The following PFKP variants were observed in gnomAD, a reference collection of about 807,000 sequenced individuals.
PFKP encodes the protein ATP-dependent 6-phosphofructokinase, platelet type.
Under a neutral mutation model 94.3 loss-of-function variants are expected in PFKP, and 101 were observed. The observed-to-expected ratio is 1.07, with a 90% CI of 0.91 to 1.26. The LOEUF (loss-of-function observed/expected upper bound fraction) is 1.26, where lower values mean the gene tolerates loss of function less well. PFKP is among the 50% of genes most tolerant of loss of function. The pLI is 0.00. For missense variants in PFKP, 1,145 were observed against 1,103.3 expected (o/e 1.04, Z -0.53); for synonymous variants, 573 against 432.6 (o/e 1.32, Z -4.03).
intron 13 of PFKP, among the ~76,000 whole-genome samples, chr10:3,115,549 A>G (rs1027816848): frequency 2.0e-5 from 3 of 151,628 alleles, no homozygotes; most frequent in African/African-American, 4.9e-5. Flanking sequence ...GCCAGGGTGA[A>G]GGTGTGTGTC....
intron 21 of PFKP, among the ~76,000 whole-genome samples, chr10:3,136,109 C>T (rs1839270176): frequency 6.6e-6 from 1 of 152,078 alleles, no homozygotes; most frequent in Non-Finnish European, 1.5e-5. Context: ...ACTAAAAATA[C>T]AAAAATGAGC....
intron 15 of PFKP, among the ~76,000 whole-genome samples, chr10:3,119,586 C>G (rs550273792): frequency 2.8e-4 from 39 of 140,916 alleles, no homozygotes; most frequent in African/African-American, 1.0e-3. Flanking sequence ...GCCTGGGCCA[C>G]AAAGCGAGAC....
intron 16 of PFKP, among the ~76,000 whole-genome samples, chr10:3,122,754 C>T (rs1837555236): frequency 3.3e-5 from 5 of 152,144 alleles, no homozygotes; most frequent in Non-Finnish European, 5.9e-5. Flanking sequence ...AGTATACTGG[C>T]TTCTATTGTT....
chr10:3,084,686 T>TCCAGCAGAGTCCTCCAGCCCCTCC (rs1833349274), intron 2 of PFKP, among the ~76,000 whole-genome samples: 1 of 125,220 alleles, frequency 8.0e-6, no homozygotes, highest in African/African-American at 2.8e-5. Context: ...AGACGCGGTC[T>TCCAGCAGAGTCCTCCAGCCCCTCC]CCAGCACAGT....
chr10:3,092,979 G>A (rs573527206), intron 2 of PFKP, among the ~76,000 whole-genome samples: 3 of 150,340 alleles, frequency 2.0e-5, no homozygotes, highest in African/African-American at 7.3e-5. Flanking sequence ...ATGGGGGTAG[G>A]GGGGTGGCCA....
At chr10:3,084,608 G>A (rs1275136618) in intron 2 of PFKP, among the ~76,000 whole-genome samples, 1 of 151,954 alleles carries the variant, frequency 6.6e-6, no homozygotes, top group Non-Finnish European at 1.5e-5. Flanking sequence ...GCCCTCCTGA[G>A]TTTCCCTGCC....
At chr10:3,080,482 A>G (rs1462077936) in intron 1 of PFKP, among the ~76,000 whole-genome samples, 2 of 137,102 alleles carry the variant, frequency 1.5e-5, no homozygotes, top group Non-Finnish European at 3.0e-5. Flanking sequence ...GCACCACTGC[A>G]CTCCAGCCTG....
At chr10:3,097,673 C>G (rs1405897141) in intron 2 of PFKP, among the ~76,000 whole-genome samples, 4 of 152,150 alleles carry the variant, frequency 2.6e-5, no homozygotes, top group Non-Finnish European at 5.9e-5. Flanking sequence ...AGACTGTTTT[C>G]TCCTTTCTTG....
At chr10:3,084,064 G>A (rs1833295085) in intron 2 of PFKP, among the ~76,000 whole-genome samples, 1 of 152,134 alleles carries the variant, frequency 6.6e-6, no homozygotes, top group Non-Finnish European at 1.5e-5. Context: ...CGTTTTTTAA[G>A]CTATTGTAAC....
At chr10:3,135,305 T>C (rs1451082574) in intron 20 of PFKP, among the ~76,000 whole-genome samples, 1 of 152,182 alleles carries the variant, frequency 6.6e-6, no homozygotes, top group Non-Finnish European at 1.5e-5. Flanking sequence ...AAACCAGTGA[T>C]GTGAATAGTT....
intron 10 of PFKP, among the ~76,000 whole-genome samples, chr10:3,111,719 G>A (rs1458251907): frequency 2.6e-5 from 4 of 152,096 alleles, no homozygotes; most frequent in Admixed American, 6.5e-5. Context: ...GCTGCCTGGC[G>A]TGCATCAGTC....
At position 3,107,206 on chromosome 10, in the gene PFKP, C is replaced by T. The variant is rs1835720277; in HGVS notation, c.775-8C>T. The T allele has an allele frequency of 1.3e-6, 2 of 1,556,048 alleles. No homozygotes were observed. The highest frequency in any genetic ancestry group is 1.8e-6 in the Non-Finnish European group (2 of 1,128,500). On this transcript the variant is annotated splice_region_variant and splice_polypyrimidine_tract_variant and intron_variant, in intron 7 of 21. Transcript: ENST00000381125. ...GAATTTGAGAGCTTTAATTTTCTGT[C>T]TCCACAGAACCGTGCCCGGAAAAAA...
intron 17 of PFKP, 40 bp from the exon 18 acceptor site, chr10:3,132,340 T>C: frequency 2.8e-6 from 4 of 1,449,568 alleles, no homozygotes; most frequent in Non-Finnish European, 3.9e-6. Context: ...AGGTACTTAG[T>C]AGAAGTTTAT....
chr10:3,099,389 T>G (rs757999314), intron 3 of PFKP, 37 bp downstream of exon 3: 1 of 1,498,708 alleles, frequency 6.7e-7, no homozygotes, highest in Non-Finnish European at 9.3e-7. Flanking sequence ...TTCTCTGAGT[T>G]AGAGACTCTT....
At chr10:3,089,596 A>T (rs1327403433) in intron 2 of PFKP, among the ~76,000 whole-genome samples, 2 of 151,798 alleles carry the variant, frequency 1.3e-5, no homozygotes, top group Non-Finnish European at 2.9e-5. Flanking sequence ...TTGTGTTAGG[A>T]ACACTCCAAT....
intron 4 of PFKP, among the ~76,000 whole-genome samples, chr10:3,103,543 C>T (rs570234512): frequency 8.5e-5 from 13 of 152,286 alleles, no homozygotes; most frequent in East Asian, 1.9e-4. Flanking sequence ...GCAGAAGGAT[C>T]GCCTGAGCCC....
rs781515074 is a variant in PFKP at position 3,101,146 on chromosome 10, C to T, written c.265-219C>T. The T allele has an allele frequency of 2.9e-5, 22 of 768,102 alleles. No individual in the cohort carries two copies. In the Admixed American group the frequency reaches 3.8e-4, roughly 13 times the overall value. 47.6% of individuals were successfully genotyped at this position (768,102 alleles called of 1,614,324 possible). Reference sequence around the variant, plus strand: ...GTGTCTGGCTCTGCACCCTCCCTGGCTCCTCCTGGGTGTCACGCGCCTGTC... The same window carrying T: ...GTGTCTGGCTCTGCACCCTCCCTGGTTCCTCCTGGGTGTCACGCGCCTGTC... On this transcript the variant is annotated intron_variant, in intron 3 of 21. Transcript: ENST00000381125.
At position 3,115,576 on chromosome 10, in the gene PFKP, G is replaced by A. The variant is rs535800211; in HGVS notation, c.1372-1200G>A. ...GTGTGTGTCCCTCAGCTGAGGACAG[G>A]ACTGGGGATGCCAGGGTGAAGGTGT... On this transcript the variant is annotated intron_variant, in intron 13 of 21. Coordinates refer to ENST00000381125, the MANE Select transcript of PFKP (RefSeq NM_002627.5). Among the ~76,000 whole-genome samples, 207 of 152,136 alleles carry A rather than the reference G, an allele frequency of 1.4e-3. 3 individuals carry two copies. Among genetic ancestry groups the A allele is most frequent in the African/African-American group, 4.5e-3 (187 of 41,402 alleles).
At position 3,113,443 on chromosome 10, in the gene PFKP, T is replaced by C. The variant is rs772044659; in HGVS notation, c.1296T>C (p.Ala432=). The C allele has an allele frequency of 6.2e-7, 1 of 1,612,066 alleles. No homozygotes were observed. The highest frequency in any genetic ancestry group is 8.5e-7 in the Non-Finnish European group (1 of 1,179,288). ...AAGMNAAVRS[A]VRVGIADGHR... ...GGATGAACGCAGCCGTACGCTCAGCTGTGCGCGTGGGCATTGCCGACGGCC... is the reference window on the plus strand; with the variant it reads ...GGATGAACGCAGCCGTACGCTCAGCCGTGCGCGTGGGCATTGCCGACGGCC... Residue 432 remains alanine (A), a synonymous_variant, in exon 13 of 22, where the codon GCT becomes GCC. Coordinates refer to ENST00000381125, the MANE Select transcript of PFKP (RefSeq NM_002627.5).
Sources: allele counts gnomAD v4.1 joint callset (sites outside exome capture counted in the v4.1 genomes callset), GRCh38; gene constraint gnomAD v4.1.1; transcripts MANE v1.5; gene names NCBI Gene and HGNC (gene_info 2026-07-23, HGNC 2026-07-21).